The following LRRC37A2 variants were observed in gnomAD, a reference collection of about 807,000 sequenced individuals.
LRRC37A2 encodes leucine-rich repeat-containing protein 37A2.
A neutral mutation model predicts 68.8 loss-of-function variants in LRRC37A2; 9 were observed. The ratio of observed to expected loss-of-function variants is 0.13; its 90% CI spans 0.08 to 0.23. The LOEUF is 0.23. Ranked by LOEUF, LRRC37A2 falls within the 10% of genes least tolerant of loss-of-function variation. LRRC37A2 has a pLI of 1.00. For synonymous variants in LRRC37A2, 63 were observed against 367.6 expected (o/e 0.17, Z 9.48); for missense variants, 168 against 950.4 (o/e 0.18, Z 10.82).
At chr17:46,622,272 A>G in the LRRC37A2 span, among the ~76,000 whole-genome samples, 772 of 145,690 alleles carry the variant, frequency 5.3e-3, 23 homozygotes, top group Middle Eastern at 0.031. Context: ...CCTGGCTAAC[A>G]CGGTGAAACC....
the LRRC37A2 span, among the ~76,000 whole-genome samples, chr17:46,501,751 CG>C: frequency 6.6e-6 from 1 of 151,214 alleles, no homozygotes; most frequent in African/African-American, 2.5e-5. Context: ...TTTCAAGGAC[CG>C]ATTTCAATTC....
At chr17:46,906,374 G>A in the LRRC37A2 span, among the ~76,000 whole-genome samples, 3 of 151,970 alleles carry the variant, frequency 2.0e-5, no homozygotes, top group Non-Finnish European at 2.9e-5. Flanking sequence ...CAGGTGATGA[G>A]CATGTCTACA....
At chr17:46,931,276 A>G in the LRRC37A2 span, 1 of 826,866 alleles carries the variant, frequency 1.2e-6, no homozygotes. Context: ...TCCCTGGGGG[A>G]GGTGATAGAA....
the LRRC37A2 span, among the ~76,000 whole-genome samples, chr17:46,914,425 G>A: frequency 5.9e-5 from 9 of 151,940 alleles, no homozygotes; most frequent in African/African-American, 1.7e-4. Flanking sequence ...GAGGCAAGTG[G>A]ATCACCTGAG....
At chr17:46,922,504 G>C in the LRRC37A2 span, among the ~76,000 whole-genome samples, 56,392 of 151,512 alleles carry the variant, frequency 0.37, 10,513 homozygotes, top group South Asian at 0.48. Flanking sequence ...ATAAAATAAA[G>C]AAAAAAAATC....
At chr17:46,765,914 C>G in the LRRC37A2 span, among the ~76,000 whole-genome samples, 1 of 152,246 alleles carries the variant, frequency 6.6e-6, no homozygotes, top group African/African-American at 2.4e-5. Flanking sequence ...GAGTGTTTAT[C>G]AGAAGGGCAC....
the LRRC37A2 span, among the ~76,000 whole-genome samples, chr17:46,979,734 T>C: frequency 6.6e-6 from 1 of 151,718 alleles, no homozygotes; most frequent in Non-Finnish European, 1.5e-5. Context: ...CCCTACACCC[T>C]CCTCTCAACT....
chr17:46,728,025 C>T, the LRRC37A2 span, among the ~76,000 whole-genome samples: 12 of 151,990 alleles, frequency 7.9e-5, no homozygotes, highest in South Asian at 2.5e-3. Context: ...TTTTCCCTCC[C>T]ACTGTTCTCA....
At chr17:46,598,931 A>C in the LRRC37A2 span, among the ~76,000 whole-genome samples, 1 of 141,140 alleles carries the variant, frequency 7.1e-6, no homozygotes, top group Non-Finnish European at 1.5e-5. Context: ...AGTAGTTATT[A>C]GTTTTGTGTA....
At chr17:47,024,609 A>C in the LRRC37A2 span, 1 of 1,016,722 alleles carries the variant, frequency 9.8e-7, no homozygotes, top group Non-Finnish European at 1.6e-6. Flanking sequence ...CTCCACATGC[A>C]GGAGACAGTC....
At chr17:46,836,483 T>C in the LRRC37A2 span, among the ~76,000 whole-genome samples, 1 of 152,218 alleles carries the variant, frequency 6.6e-6, no homozygotes, top group Non-Finnish European at 1.5e-5. Flanking sequence ...TGTGTTTTTT[T>C]ACACTGATAA....
At chr17:46,820,201 C>T in the LRRC37A2 span, among the ~76,000 whole-genome samples, 1 of 152,182 alleles carries the variant, frequency 6.6e-6, no homozygotes, top group African/African-American at 2.4e-5. Flanking sequence ...TCTCCGCACG[C>T]GGCTGCTGCC....
chr17:46,522,483 C>T (rs2052402212), intron 4 of LRRC37A2, among the ~76,000 whole-genome samples: 3 of 121,958 alleles, frequency 2.5e-5, no homozygotes, highest in East Asian at 2.4e-4. Context: ...CTCGCTCTGT[C>T]GCCCAGGCTG....
the LRRC37A2 span, among the ~76,000 whole-genome samples, chr17:47,003,082 C>G: frequency 2.0e-5 from 3 of 151,170 alleles, no homozygotes; most frequent in Admixed American, 2.0e-4. Flanking sequence ...CCCCCAACTT[C>G]TACAAATATT....
At chr17:46,440,250 AGT>A in the LRRC37A2 span, among the ~76,000 whole-genome samples, 1 of 36,382 alleles carries the variant, frequency 2.7e-5, no homozygotes, top group East Asian at 3.4e-4. Context: ...AGACTCAGTA[AGT>A]ATCTGTGGAA....
At chr17:46,972,061 A>G in the LRRC37A2 span, among the ~76,000 whole-genome samples, 2 of 148,636 alleles carry the variant, frequency 1.3e-5, no homozygotes, top group Admixed American at 6.8e-5. Flanking sequence ...CTCAACCATA[A>G]TCACCCTCAG....
chr17:46,889,439 T>C, the LRRC37A2 span, among the ~76,000 whole-genome samples: 6 of 152,266 alleles, frequency 3.9e-5, no homozygotes, highest in African/African-American at 1.4e-4. Context: ...TGGAAGGACA[T>C]GGAAGTCACG....
At chr17:46,725,451 T>C in the LRRC37A2 span, among the ~76,000 whole-genome samples, 2 of 151,976 alleles carry the variant, frequency 1.3e-5, no homozygotes, top group Non-Finnish European at 2.9e-5. Flanking sequence ...TCTGGAGAAA[T>C]TGTCAGTATT....
the LRRC37A2 span, among the ~76,000 whole-genome samples, chr17:46,896,414 G>GA: frequency 1.2e-5 from 1 of 82,776 alleles, no homozygotes; most frequent in Non-Finnish European, 2.0e-5. Context: ...AAGAAAGAAA[G>GA]AAAGAAAGAA....
Sources: allele counts gnomAD v4.1 joint callset (sites outside exome capture counted in the v4.1 genomes callset), GRCh38; gene constraint gnomAD v4.1.1; transcripts MANE v1.5; gene names NCBI Gene and HGNC (gene_info 2026-07-23, HGNC 2026-07-21).